The following BTRC variants were observed in gnomAD, a reference collection of about 807,000 sequenced individuals.
The protein encoded by BTRC is beta-transducin repeat containing E3 ubiquitin protein ligase.
Under a neutral mutation model 85.5 loss-of-function variants are expected in BTRC, and 42 were observed. The observed-to-expected ratio is 0.49, with a 90% CI of 0.38 to 0.64. The LOEUF is 0.64. Ranked by LOEUF, BTRC falls within the 30% of genes least tolerant of loss-of-function variation. The pLI, the probability that BTRC is intolerant of heterozygous loss-of-function variation, is 0.00. For synonymous variants in BTRC, 255 were observed against 263.3 expected (o/e 0.97, Z 0.30); for missense variants, 594 against 743.5 (o/e 0.80, Z 2.34).
At chr10:101,411,706 C>T (rs1943784324) in intron 1 of BTRC, among the ~76,000 whole-genome samples, 1 of 138,098 alleles carries the variant, frequency 7.2e-6, no homozygotes, top group Non-Finnish European at 1.7e-5. Flanking sequence ...CTGCTAATTT[C>T]ATTGTCAGTT....
At chr10:101,420,461 T>TAATGCATGCCTTCTTCTGCCGAC (rs1242294507) in intron 1 of BTRC, among the ~76,000 whole-genome samples, 8 of 152,068 alleles carry the variant, frequency 5.3e-5, no homozygotes, top group Non-Finnish European at 1.0e-4. Context: ...CTCCCTCTCT[T>TAATGCATGCCTTCTTCTGCCGAC]AATGCATGCC....
intron 4 of BTRC, among the ~76,000 whole-genome samples, chr10:101,483,461 C>G (rs991771616): frequency 5.3e-5 from 8 of 152,090 alleles, no homozygotes; most frequent in Non-Finnish European, 1.2e-4. Flanking sequence ...GGCGTGGTGG[C>G]ACATGCCTAT....
At chr10:101,484,680 C>G (rs1945936135) in intron 4 of BTRC, among the ~76,000 whole-genome samples, 1 of 152,194 alleles carries the variant, frequency 6.6e-6, no homozygotes, top group Non-Finnish European at 1.5e-5. Context: ...CAGGTCTAAA[C>G]ATTAGCTTTA....
intron 1 of BTRC, among the ~76,000 whole-genome samples, chr10:101,425,356 A>G (rs996075624): frequency 6.6e-6 from 1 of 152,200 alleles, no homozygotes; most frequent in Admixed American, 6.5e-5. Context: ...TTGGATAACA[A>G]CAATTATAAT....
rs35189735 is a variant in BTRC at position 101,371,164 on chromosome 10, C to CT, written c.48+16946dup. 3.4e-4 allele frequency among the ~76,000 whole-genome samples: 51 copies of CT among 149,868 alleles called. No individual in the cohort carries two copies. The South Asian group carries it at 4.0e-3, about 12-fold the overall frequency. On this transcript the variant is annotated intron_variant, in intron 1 of 14. Transcript: ENST00000370187. ...ATCCCAGCCACTGGCAACCACTATTCTTTTTTTTTTGTTTGTTTGGTGTTT... is the reference window on the plus strand; with the variant it reads ...ATCCCAGCCACTGGCAACCACTATTCTTTTTTTTTTTGTTTGTTTGGTGTTT...
intron 1 of BTRC, among the ~76,000 whole-genome samples, chr10:101,416,547 G>C (rs1414511864): frequency 6.6e-6 from 1 of 151,902 alleles, no homozygotes; most frequent in African/African-American, 2.4e-5. Flanking sequence ...GAAAGCCTGA[G>C]TTGTTGTTGT....
chr10:101,453,283 C>T (rs141927527), intron 2 of BTRC, among the ~76,000 whole-genome samples: 9 of 152,216 alleles, frequency 5.9e-5, no homozygotes, highest in African/African-American at 1.2e-4. Context: ...TCATTCTATA[C>T]GATGATGAGC....
intron 4 of BTRC, among the ~76,000 whole-genome samples, chr10:101,520,296 C>T (rs1342801633): frequency 6.6e-6 from 1 of 151,892 alleles, no homozygotes; most frequent in Non-Finnish European, 1.5e-5. Context: ...GGTGTGTTCT[C>T]CTCACCTTTG....
At chr10:101,479,980 A>G (rs1375438395) in intron 4 of BTRC, among the ~76,000 whole-genome samples, 1 of 152,216 alleles carries the variant, frequency 6.6e-6, no homozygotes, top group African/African-American at 2.4e-5. Context: ...TGTCATCTCT[A>G]TAGCCTAGAT....
At chr10:101,361,199 T>C (rs1258750385) in intron 1 of BTRC, among the ~76,000 whole-genome samples, 3 of 152,132 alleles carry the variant, frequency 2.0e-5, no homozygotes, top group Non-Finnish European at 4.4e-5. Context: ...CTCAGCTTCC[T>C]GGGTTCAAAC....
At chr10:101,415,362 G>C (rs889322511) in intron 1 of BTRC, among the ~76,000 whole-genome samples, 1 of 150,996 alleles carries the variant, frequency 6.6e-6, no homozygotes, top group Non-Finnish European at 1.5e-5. Context: ...TTTTTGTAGA[G>C]ATGGGGTTTC....
chr10:101,361,503 T>A (rs1942205732), intron 1 of BTRC, among the ~76,000 whole-genome samples: 1 of 152,214 alleles, frequency 6.6e-6, no homozygotes. Context: ...TTTAACAACT[T>A]AGTCAATAAA....
intron 4 of BTRC, among the ~76,000 whole-genome samples, chr10:101,505,727 T>C (rs1946523563): frequency 6.6e-6 from 1 of 152,188 alleles, no homozygotes; most frequent in Non-Finnish European, 1.5e-5. Context: ...TCCATGTTTT[T>C]TGTGTATCTG....
intron 1 of BTRC, among the ~76,000 whole-genome samples, chr10:101,403,733 G>A (rs1193297971): frequency 1.3e-5 from 2 of 151,950 alleles, no homozygotes; most frequent in Non-Finnish European, 2.9e-5. Context: ...TGGGACTACA[G>A]GAATGTGCCA....
At chr10:101,547,576 T>C (rs769555233) in intron 13 of BTRC, among the ~76,000 whole-genome samples, 1 of 151,982 alleles carries the variant, frequency 6.6e-6, no homozygotes, top group Admixed American at 6.6e-5. Context: ...CCGGACCTCA[T>C]GATCCACCTG....
chr10:101,444,929 C>T (rs1045587259), intron 2 of BTRC, among the ~76,000 whole-genome samples: 8 of 152,070 alleles, frequency 5.3e-5, no homozygotes, highest in Non-Finnish European at 1.0e-4. Context: ...TAGTGGTTTT[C>T]TCATATATAG....
At chr10:101,483,852 GA>G (rs1177433823) in intron 4 of BTRC, among the ~76,000 whole-genome samples, 26 of 151,850 alleles carry the variant, frequency 1.7e-4, no homozygotes, top group Admixed American at 3.3e-4. Context: ...CAACCTTCAT[GA>G]TTTTTTTTAA....
At chr10:101,358,039 CA>C (rs895828465) in intron 1 of BTRC, among the ~76,000 whole-genome samples, 55 of 152,202 alleles carry the variant, frequency 3.6e-4, no homozygotes, top group African/African-American at 1.3e-3. Flanking sequence ...CCCCAAAACA[CA>C]CAAACACACA....
At chr10:101,363,263 G>C (rs1450039014) in intron 1 of BTRC, among the ~76,000 whole-genome samples, 1 of 152,120 alleles carries the variant, frequency 6.6e-6, no homozygotes, top group African/African-American at 2.4e-5. Context: ...CAGGTATCCT[G>C]AGATTAAATC....
Sources: allele counts gnomAD v4.1 joint callset (sites outside exome capture counted in the v4.1 genomes callset), GRCh38; gene constraint gnomAD v4.1.1; transcripts MANE v1.5; gene names NCBI Gene and HGNC (gene_info 2026-07-23, HGNC 2026-07-21).